The following CNTN5 variants were observed in gnomAD, a reference collection of about 807,000 sequenced individuals.
CNTN5 encodes the protein contactin 5.
CNTN5 carries 77 observed loss-of-function variants against 129.1 expected under a neutral mutation model. The ratio of observed to expected loss-of-function variants is 0.60; its 90% CI spans 0.50 to 0.72. The LOEUF (loss-of-function observed/expected upper bound fraction) is 0.72. Ranked by LOEUF, CNTN5 falls within the 30% of genes least tolerant of loss-of-function variation. The pLI is 0.00. For synonymous variants in CNTN5, 509 were observed against 465.6 expected, an observed-to-expected ratio of 1.09 and a Z score of -1.20; for missense variants, 1,478 against 1,328.8, an observed-to-expected ratio of 1.11 and a Z score of -1.75.
chr11:99,032,192 C>A (rs1218384736), intron 1 of CNTN5, among the ~76,000 whole-genome samples: 1 of 151,922 alleles, frequency 6.6e-6, no homozygotes, highest in East Asian at 1.9e-4. Flanking sequence ...TTGGTTCCAA[C>A]TCTTTGCTAT....
At chr11:99,054,248 T>C (rs1217929677) in intron 1 of CNTN5, among the ~76,000 whole-genome samples, 1 of 151,834 alleles carries the variant, frequency 6.6e-6, no homozygotes, top group Non-Finnish European at 1.5e-5. Flanking sequence ...ATCTGGTGTT[T>C]CCTGAAGGGC....
chr11:99,059,816 T>C (rs1223037161), intron 1 of CNTN5, among the ~76,000 whole-genome samples: 1 of 152,106 alleles, frequency 6.6e-6, no homozygotes, highest in Non-Finnish European at 1.5e-5. Context: ...AAGGTTTCTT[T>C]TGTACATATG....
At chr11:99,400,042 G>C (rs6590085) in intron 2 of CNTN5, among the ~76,000 whole-genome samples, 3 of 151,984 alleles carry the variant, frequency 2.0e-5, no homozygotes, top group African/African-American at 7.2e-5. Flanking sequence ...GGTACTTTTA[G>C]TACTTTTAAA....
chr11:100,029,308 C>A (rs906544673), intron 9 of CNTN5, among the ~76,000 whole-genome samples: 1 of 152,128 alleles, frequency 6.6e-6, no homozygotes, highest in Non-Finnish European at 1.5e-5. Flanking sequence ...ATTGGCCGGG[C>A]GCGGTGGCTC....
intron 18 of CNTN5, among the ~76,000 whole-genome samples, chr11:100,297,184 G>T (rs1951115090): frequency 6.6e-6 from 1 of 151,426 alleles, no homozygotes; most frequent in Non-Finnish European, 1.5e-5. Context: ...AACAACAAAA[G>T]AAATGTACTG....
chr11:100,199,569 A>G (rs1379970081), intron 15 of CNTN5, among the ~76,000 whole-genome samples: 2 of 151,910 alleles, frequency 1.3e-5, no homozygotes, highest in African/African-American at 4.8e-5. Context: ...ATTACCTTCA[A>G]AGGTTTTAGA....
chr11:100,235,815 T>G (rs1949601708), intron 16 of CNTN5, among the ~76,000 whole-genome samples: 2 of 152,154 alleles, frequency 1.3e-5, no homozygotes, highest in African/African-American at 4.8e-5. Context: ...AAATCCCCAG[T>G]GGGTACCAAT....
At chr11:99,554,109 G>C (rs1407657199) in intron 2 of CNTN5, among the ~76,000 whole-genome samples, 1 of 151,916 alleles carries the variant, frequency 6.6e-6, no homozygotes, top group Non-Finnish European at 1.5e-5. Context: ...TGTGCCTGGA[G>C]TTTATACTTA....
intron 6 of CNTN5, among the ~76,000 whole-genome samples, chr11:99,891,064 T>G (rs1037614101): frequency 6.6e-6 from 1 of 152,176 alleles, no homozygotes; most frequent in African/African-American, 2.4e-5. Flanking sequence ...CAATGTAATA[T>G]GGTCTTCTGG....
intron 3 of CNTN5, among the ~76,000 whole-genome samples, chr11:99,626,432 C>T (rs1393394150): frequency 6.6e-6 from 1 of 151,956 alleles, no homozygotes; most frequent in Non-Finnish European, 1.5e-5. Context: ...TTGCCTTGTT[C>T]ATTTAGTTTG....
intron 6 of CNTN5, among the ~76,000 whole-genome samples, chr11:99,867,859 A>C (rs1478614137): frequency 6.6e-6 from 1 of 152,178 alleles, no homozygotes; most frequent in Non-Finnish European, 1.5e-5. Context: ...TACCTGGAAA[A>C]ACAGGAAATT....
At chr11:99,708,750 A>T (rs1954854046) in intron 3 of CNTN5, among the ~76,000 whole-genome samples, 1 of 151,692 alleles carries the variant, frequency 6.6e-6, no homozygotes, top group Non-Finnish European at 1.5e-5. Flanking sequence ...TCTGCCAGAG[A>T]CACCAACATT....
At chr11:99,725,452 T>C (rs1185429916) in intron 3 of CNTN5, among the ~76,000 whole-genome samples, 1 of 151,768 alleles carries the variant, frequency 6.6e-6, no homozygotes, top group Non-Finnish European at 1.5e-5. Context: ...AATTTTTATA[T>C]ATATGCATTG....
intron 1 of CNTN5, among the ~76,000 whole-genome samples, chr11:99,147,273 TGAAA>T (rs1293340307): frequency 1.2e-4 from 18 of 152,240 alleles, no homozygotes; most frequent in Non-Finnish European, 2.5e-4. Context: ...GGCTCTTTAC[TGAAA>T]GAGAGATTGT....
chr11:99,895,022 A>C (rs1231907948), intron 6 of CNTN5, among the ~76,000 whole-genome samples: 2 of 152,234 alleles, frequency 1.3e-5, no homozygotes, highest in African/African-American at 4.8e-5. Flanking sequence ...TATAAGGCAG[A>C]AATCAGGTAG....
chr11:100,041,491 C>A lies in CNTN5; in HGVS notation c.981-19721C>A, dbSNP rs79787707. 1.1e-3 allele frequency among the ~76,000 whole-genome samples: 172 copies of A among 152,292 alleles called. 9 individuals carry two copies. In the East Asian group the frequency reaches 0.032, roughly 28 times the overall value. On this transcript the variant is annotated intron_variant, in intron 9 of 24. Coordinates refer to ENST00000524871, the MANE Select transcript of CNTN5 (RefSeq NM_014361.4). ...ACATGGCGTTATTTCAGAAATTTCTCTTGGCTACTTTCAAACTTACTCTTG... is the reference window on the plus strand; with the variant it reads ...ACATGGCGTTATTTCAGAAATTTCTATTGGCTACTTTCAAACTTACTCTTG...
intron 2 of CNTN5, among the ~76,000 whole-genome samples, chr11:99,532,936 A>AT (rs1369214421): frequency 2.6e-5 from 4 of 152,100 alleles, no homozygotes; most frequent in Non-Finnish European, 5.9e-5. Context: ...TTAAATACCA[A>AT]TTGGGGCTGG....
At chr11:100,091,975 T>C (rs1944804727) in intron 13 of CNTN5, among the ~76,000 whole-genome samples, 1 of 152,146 alleles carries the variant, frequency 6.6e-6, no homozygotes, top group African/African-American at 2.4e-5. Context: ...TTATTAAGGA[T>C]ATTATGAGGA....
intron 9 of CNTN5, among the ~76,000 whole-genome samples, chr11:100,046,223 T>C (rs995682588): frequency 3.9e-5 from 6 of 152,134 alleles, no homozygotes; most frequent in African/African-American, 1.4e-4. Flanking sequence ...ACACTTTTGG[T>C]CTATACTGTT....
Sources: allele counts gnomAD v4.1 joint callset (sites outside exome capture counted in the v4.1 genomes callset), GRCh38; gene constraint gnomAD v4.1.1; transcripts MANE v1.5; gene names NCBI Gene and HGNC (gene_info 2026-07-23, HGNC 2026-07-21).